Variants in TMEM50B observed in about 807,000 individuals in gnomAD.
TMEM50B encodes transmembrane protein 50B.
Under a neutral mutation model 23.4 loss-of-function variants are expected in TMEM50B, and 14 were observed. That is an observed-to-expected ratio of 0.60 (90% confidence interval 0.39 to 0.93). The LOEUF is 0.93. Among genes scored for constraint, TMEM50B ranks in the 40% least tolerant of loss-of-function variants. TMEM50B has a pLI of 0.00. For synonymous variants in TMEM50B, 64 were observed against 62.3 expected (o/e 1.03, Z -0.13); for missense variants, 159 against 193.0 (o/e 0.82, Z 1.04).
chr21:33,466,969 T>C, intron 3 of TMEM50B, 41 bp downstream of exon 3: 1 of 1,548,214 alleles, frequency 6.5e-7, no homozygotes, highest in Non-Finnish European at 8.9e-7. Flanking sequence ...AAAGTATTTT[T>C]AGAAAAATCA....
At chr21:33,476,829 A>G (rs1169676560) in intron 1 of TMEM50B, among the ~76,000 whole-genome samples, 1 of 151,946 alleles carries the variant, frequency 6.6e-6, no homozygotes, top group African/African-American at 2.4e-5. Context: ...ATATCAAAGT[A>G]CAATCATCTG....
chr21:33,445,632 TA>T, downstream of TMEM50B, among the ~76,000 whole-genome samples: 1 of 152,160 alleles, frequency 6.6e-6, no homozygotes, highest in Non-Finnish European at 1.5e-5. Flanking sequence ...CCATCTCTAC[TA>T]AAAATACAAA....
In TMEM50B at chr21:33,450,060, A is replaced by AT. The variant is rs2084103540; in HGVS notation, c.*757dup. On this transcript the variant is annotated 3_prime_UTR_variant, in exon 7 of 7. Coordinates refer to ENST00000542230, the MANE Select transcript of TMEM50B (RefSeq NM_006134.7). ...ACTTCTTCAATACATAAGAACAAAT[A>AT]TTTTTTCTTTACCAAAAAAACCTCA... is the stretch of plus-strand genomic sequence containing the variant. The AT allele has an allele frequency of 6.6e-6, 1 of 152,182 alleles. No homozygotes were observed. Among genetic ancestry groups the AT allele is most frequent in the South Asian group, 2.1e-4 (1 of 4,838 alleles). 9.4% of individuals were successfully genotyped at this position (152,182 alleles called of 1,614,324 possible).
intron 1 of TMEM50B, chr21:33,479,055 G>A (rs1314791701): frequency 6.0e-6 from 2 of 332,032 alleles, no homozygotes; most frequent in Non-Finnish European, 1.2e-5. Context: ...GCAGCGGGGA[G>A]CAGCCCAGCC....
chr21:33,460,551 T>C (rs369721037), intron 4 of TMEM50B, 46 bp from the exon 5 acceptor site: 507 of 1,224,570 alleles, frequency 4.1e-4, no homozygotes, highest in Middle Eastern at 2.1e-4. Context: ...TTTGCAGCTC[T>C]GTAACGTCTT....
intron 5 of TMEM50B, among the ~76,000 whole-genome samples, chr21:33,458,519 A>T (rs1216313720): frequency 1.1e-4 from 17 of 152,192 alleles, no homozygotes; most frequent in Non-Finnish European, 1.5e-5. Context: ...GTCTCAAAAA[A>T]ACACTTTCCT....
chr21:33,446,177 T>C (rs2044705408), downstream of TMEM50B, among the ~76,000 whole-genome samples: 1 of 152,132 alleles, frequency 6.6e-6, no homozygotes, highest in Admixed American at 6.6e-5. Flanking sequence ...TTCTATCTAT[T>C]CTAAAGCCAC....
intron 1 of TMEM50B, among the ~76,000 whole-genome samples, chr21:33,471,643 G>A (rs1233039908): frequency 6.6e-6 from 1 of 151,976 alleles, no homozygotes; most frequent in Non-Finnish European, 1.5e-5. Flanking sequence ...GAAGGTCGAG[G>A]CAGGAAGATT....
intron 5 of TMEM50B, among the ~76,000 whole-genome samples, chr21:33,457,207 C>A (rs1004348163): frequency 6.6e-6 from 1 of 151,588 alleles, no homozygotes; most frequent in South Asian, 2.1e-4. Context: ...TGGGCCAAGA[C>A]TATACCACTG....
At chr21:33,477,710 C>T (rs2084386857) in intron 1 of TMEM50B, among the ~76,000 whole-genome samples, 1 of 150,988 alleles carries the variant, frequency 6.6e-6, no homozygotes, top group Non-Finnish European at 1.5e-5. Flanking sequence ...ACTTGGGAGG[C>T]TGAGACAGGA....
intron 8 of TMEM50B, among the ~76,000 whole-genome samples, chr21:33,435,882 C>CAAAAAA (rs35251279): frequency 4.1e-5 from 2 of 48,242 alleles, no homozygotes; most frequent in African/African-American, 9.8e-5. Context: ...GACTCCGTCT[C>CAAAAAA]AAAAAAAAAA....
At chr21:33,448,787 G>A (rs2084089801), downstream of TMEM50B, 1 of 151,858 alleles carries the variant, frequency 6.6e-6, no homozygotes, top group Non-Finnish European at 1.5e-5. Context: ...CGTACCTGTG[G>A]TCCCAGCTGC....
chr21:33,476,873 G>A (rs776619511), intron 1 of TMEM50B, among the ~76,000 whole-genome samples: 9 of 151,148 alleles, frequency 6.0e-5, no homozygotes, highest in Non-Finnish European at 5.9e-5. Context: ...ACCCTAGAAC[G>A]ACAAAAAGAT....
chr21:33,455,829 C>T (rs914301264), intron 5 of TMEM50B, 45 bp from the exon 6 acceptor site: 23 of 1,396,638 alleles, frequency 1.6e-5, no homozygotes, highest in South Asian at 2.3e-5. Context: ...TATAGGCAAA[C>T]GGCAGTAATA....
chr21:33,441,229 C>CA (rs1177193478), intron 7 of TMEM50B, among the ~76,000 whole-genome samples: 311 of 141,970 alleles, frequency 2.2e-3, no homozygotes, highest in Non-Finnish European at 2.9e-3. Flanking sequence ...GAATCTGTCT[C>CA]AAAAAAAAAA....
At chr21:33,432,687 C>T (rs1252021781) in exon 9 of TMEM50B, 2 of 1,611,962 alleles carry the variant, frequency 1.2e-6, no homozygotes, top group Admixed American at 3.3e-5. Context: ...GAAGATCATT[C>T]TGTTCACTTT....
intron 6 of TMEM50B, among the ~76,000 whole-genome samples, chr21:33,452,889 T>C (rs904845549): frequency 3.9e-5 from 6 of 152,080 alleles, no homozygotes; most frequent in African/African-American, 1.4e-4. Context: ...GCTATAAATA[T>C]ACTCTGTGTG....
At chr21:33,437,302 AG>A (rs2083965843) in intron 8 of TMEM50B, 2 of 278,100 alleles carry the variant, frequency 7.2e-6, no homozygotes, top group Admixed American at 5.0e-5. Flanking sequence ...CTGAGCAGTC[AG>A]AAGACCTGGT....
downstream of TMEM50B, among the ~76,000 whole-genome samples, chr21:33,446,616 T>TC (rs2084057442): frequency 1.9e-5 from 2 of 104,316 alleles, no homozygotes; most frequent in Admixed American, 3.0e-4. Context: ...ATTGACACCC[T>TC]CCTCCTAAAG....
Sources: allele counts gnomAD v4.1 joint callset (sites outside exome capture counted in the v4.1 genomes callset), GRCh38; gene constraint gnomAD v4.1.1; transcripts MANE v1.5; gene names NCBI Gene and HGNC (gene_info 2026-07-23, HGNC 2026-07-21).